ZDHHC15: variants seen among roughly 807,000 people sequenced by gnomAD.
ZDHHC15 encodes the protein zDHHC palmitoyltransferase 15, also known as palmitoyltransferase ZDHHC15.
Under a neutral mutation model 31.7 loss-of-function variants are expected in ZDHHC15, and 19 were observed. That is an observed-to-expected ratio of 0.60 (90% CI 0.42 to 0.88). The LOEUF (loss-of-function observed/expected upper bound fraction) is 0.88. ZDHHC15 is among the 40% of genes least tolerant of loss of function. The pLI, the probability that ZDHHC15 is intolerant of heterozygous loss-of-function variation, is 0.00. For missense variants in ZDHHC15, 209 were observed against 251.2 expected (o/e 0.83, Z 1.14); for synonymous variants, 103 against 90.0 (o/e 1.14, Z -0.82).
intron 4 of ZDHHC15, among the ~76,000 whole-genome samples, chrX:75,439,844 T>C (rs2083913767): frequency 8.9e-6 from 1 of 111,859 alleles, no homozygotes; most frequent in Non-Finnish European, 1.9e-5. Context: ...CAGATTCTTT[T>C]CTTCCACTGG....
intron 10 of ZDHHC15, chrX:75,384,201 C>T: frequency 9.3e-6 from 4 of 429,430 alleles, no homozygotes; most frequent in South Asian, 7.6e-5. Flanking sequence ...TCTAATCATC[C>T]CAAATATGTA....
intron 10 of ZDHHC15, among the ~76,000 whole-genome samples, chrX:75,402,965 T>A (rs759491021): frequency 8.9e-6 from 1 of 111,864 alleles, no homozygotes; most frequent in Non-Finnish European, 1.9e-5. Flanking sequence ...ATATCCTTGA[T>A]GAAAATTGTT....
At chrX:75,495,911 C>A (rs759732005) in intron 2 of ZDHHC15, among the ~76,000 whole-genome samples, 1 of 104,763 alleles carries the variant, frequency 9.5e-6, no homozygotes, top group Non-Finnish European at 1.9e-5. Context: ...TGCACATGTA[C>A]CATAAAACTT....
intron 8 of ZDHHC15, among the ~76,000 whole-genome samples, 165 bp from the exon 9 acceptor site, chrX:75,422,155 T>G (rs930160499): frequency 2.7e-5 from 3 of 112,321 alleles, no homozygotes; most frequent in African/African-American, 9.7e-5. Context: ...CTAAATTGCT[T>G]AGTAAAAACC....
chrX:75,385,852 T>C (rs1477222491), intron 10 of ZDHHC15, among the ~76,000 whole-genome samples: 1 of 111,783 alleles, frequency 8.9e-6, no homozygotes, highest in Non-Finnish European at 1.9e-5. Flanking sequence ...AGCACAAATT[T>C]TATGGTTTTA....
intron 3 of ZDHHC15, among the ~76,000 whole-genome samples, chrX:75,457,173 T>G (rs1310791099): frequency 8.9e-6 from 1 of 111,796 alleles, no homozygotes; most frequent in Non-Finnish European, 1.9e-5. Flanking sequence ...ATTAGTCTAT[T>G]CTTGCAAACC....
intron 9 of ZDHHC15, among the ~76,000 whole-genome samples, chrX:75,420,389 C>T (rs2147841111): frequency 9.0e-6 from 1 of 111,532 alleles, no homozygotes; most frequent in African/African-American, 3.3e-5. Context: ...CTGTGGAAGA[C>T]TGTGTGGCAA....
At chrX:75,446,022 G>A (rs1213007956) in intron 4 of ZDHHC15, among the ~76,000 whole-genome samples, 1 of 111,301 alleles carries the variant, frequency 9.0e-6, no homozygotes, top group Non-Finnish European at 1.9e-5. Flanking sequence ...AGTCCTAACA[G>A]ATCCCTAAAG....
At chrX:75,444,687 T>TATATATATATACAC (rs2084007375) in intron 4 of ZDHHC15, among the ~76,000 whole-genome samples, 1 of 29,496 alleles carries the variant, frequency 3.4e-5, no homozygotes, top group African/African-American at 1.6e-4. Flanking sequence ...TATATATATA[T>TATATATATATACAC]ACACACACAC....
chrX:75,370,272 G>C lies in ZDHHC15; in HGVS notation c.*2706C>G, dbSNP rs1300161325. On this transcript the variant is annotated 3_prime_UTR_variant, in exon 12 of 12. Transcript: ENST00000373367. ...AACAATTAGGGAATGAGATTCCACA[G>C]AGGTTATTGGACAGGGATCCAAAGA... The C allele has an allele frequency of 8.1e-5, 9 of 111,094 alleles. 1 individual carries two copies. In the Admixed American group the frequency reaches 8.7e-4, roughly 11 times the overall value. 9.2% of individuals were successfully genotyped at this position (111,094 alleles called of 1,213,427 possible).
chrX:75,522,526 C>T (rs1011157590), intron 1 of ZDHHC15, among the ~76,000 whole-genome samples: 19 of 111,565 alleles, frequency 1.7e-4, no homozygotes, highest in African/African-American at 5.2e-4. Flanking sequence ...AGTTTAAAGA[C>T]ACAGGGTATG....
At chrX:75,497,663 C>A (rs1046946613) in intron 2 of ZDHHC15, among the ~76,000 whole-genome samples, 3 of 111,569 alleles carry the variant, frequency 2.7e-5, no homozygotes, top group African/African-American at 9.8e-5. Flanking sequence ...GGATGCAGGG[C>A]TAGTTTAACA....
intron 10 of ZDHHC15, among the ~76,000 whole-genome samples, chrX:75,397,593 C>T (rs945670672): frequency 1.8e-5 from 2 of 110,429 alleles, no homozygotes; most frequent in African/African-American, 6.6e-5. Flanking sequence ...AATAAAGAAA[C>T]AACCTGGGGA....
At chrX:75,462,961 C>A (rs2084343127) in intron 3 of ZDHHC15, among the ~76,000 whole-genome samples, 1 of 109,889 alleles carries the variant, frequency 9.1e-6, no homozygotes, top group South Asian at 3.9e-4. Context: ...AAAAACTCTT[C>A]AAAAAAAATC....
intron 2 of ZDHHC15, among the ~76,000 whole-genome samples, chrX:75,499,534 T>C (rs1049417101): frequency 1.8e-5 from 2 of 111,474 alleles, no homozygotes; most frequent in African/African-American, 6.5e-5. Context: ...ATGCTGGACA[T>C]CACTAATGAT....
At chrX:75,462,447 T>G (rs1430407423) in intron 3 of ZDHHC15, among the ~76,000 whole-genome samples, 1 of 112,427 alleles carries the variant, frequency 8.9e-6, no homozygotes, top group Non-Finnish European at 1.9e-5. Flanking sequence ...TACAGAACTC[T>G]TCAGCCATAA....
At chrX:75,378,730 G>T (rs1465413603) in intron 11 of ZDHHC15, among the ~76,000 whole-genome samples, 1 of 111,359 alleles carries the variant, frequency 9.0e-6, no homozygotes, top group Non-Finnish European at 1.9e-5. Context: ...GGAAGACTAG[G>T]TTATTAACTG....
chrX:75,502,960 A>C (rs1298917660), intron 2 of ZDHHC15, among the ~76,000 whole-genome samples: 1 of 110,953 alleles, frequency 9.0e-6, no homozygotes. Flanking sequence ...TCAATATTTT[A>C]CTGTATATTT....
At chrX:75,455,599 A>T (rs1343446087) in intron 3 of ZDHHC15, among the ~76,000 whole-genome samples, 1 of 111,861 alleles carries the variant, frequency 8.9e-6, no homozygotes, top group Non-Finnish European at 1.9e-5. Flanking sequence ...AATGGGAGAA[A>T]ATTTTTGCAA....
Sources: gnomAD v4.1 joint callset for allele counts (sites outside exome capture counted in the v4.1 genomes callset) on GRCh38, gnomAD v4.1.1 for gene constraint, MANE v1.5 for transcripts, NCBI Gene and HGNC (gene_info 2026-07-23, HGNC 2026-07-21) for gene names.